The following ZXDC variants were observed in gnomAD, a reference collection of about 807,000 sequenced individuals.
ZXDC encodes zinc finger protein ZXDC.
A neutral mutation model predicts 63.6 loss-of-function variants in ZXDC; 58 were observed. That is an observed-to-expected ratio of 0.91 (90% CI 0.74 to 1.13). The LOEUF is 1.13. Among genes scored for constraint, ZXDC ranks in the 50% most tolerant of loss-of-function variants. The probability of loss-of-function intolerance (pLI) is 0.00; values close to 1 mark genes in which losing one functional copy is unlikely to be tolerated. For synonymous variants in ZXDC, 561 were observed against 496.1 expected (o/e 1.13, Z -1.74); for missense variants, 1,133 against 1,148.9 (o/e 0.99, Z 0.20).
intron 7 of ZXDC, among the ~76,000 whole-genome samples, chr3:126,456,902 G>A (rs998044257): frequency 4.6e-5 from 7 of 152,216 alleles, no homozygotes; most frequent in East Asian, 1.9e-4. Context: ...CACATCTGCC[G>A]TGTGGACAGC....
intron 6 of ZXDC, 191 bp downstream of exon 6, chr3:126,461,344 T>C: frequency 7.3e-7 from 1 of 1,373,852 alleles, no homozygotes; most frequent in Non-Finnish European, 9.4e-7. Flanking sequence ...TAAATGAGAA[T>C]TTAAGGCTCA....
At position 126,475,771 on chromosome 3, in the gene ZXDC, C is replaced by T; in HGVS notation, c.95G>A (p.Gly32Asp). The change falls in exon 1 of 10, where the codon GGC becomes GAC. Residue 32 changes from glycine (G) to aspartate (D), a missense_variant. Coordinates refer to ENST00000389709, the MANE Select transcript of ZXDC (RefSeq NM_025112.5). ...GPLRRAPAPL[G>D]ASPARRRLLL... Reference sequence around the variant, plus strand: ...CAGGCGGCGGCGCGCGGGGCTCGCGCCGAGCGGCGCTGGGGCTCGGCGGAG... The same window carrying T: ...CAGGCGGCGGCGCGCGGGGCTCGCGTCGAGCGGCGCTGGGGCTCGGCGGAG... The T allele has an allele frequency of 8.8e-7, 1 of 1,137,948 alleles. No individual in the cohort carries two copies. Among genetic ancestry groups the T allele is most frequent in the Non-Finnish European group, 1.1e-6 (1 of 930,152 alleles). The allele number at this position is 1,137,948 out of a possible 1,614,324, so 70.5% of individuals were successfully genotyped here. A position where few individuals can be genotyped will look rare whatever the true frequency, so the allele number is the denominator to read the frequency against.
chr3:126,444,515 G>C (rs1386239256), intron 7 of ZXDC, among the ~76,000 whole-genome samples: 1 of 151,260 alleles, frequency 6.6e-6, no homozygotes, highest in African/African-American at 2.4e-5. Flanking sequence ...CTGGGTGACA[G>C]AGCGAGACTC....
chr3:126,450,568 G>GAATA (rs1187778011), intron 7 of ZXDC: 1 of 456,528 alleles, frequency 2.2e-6, no homozygotes, highest in Admixed American at 2.3e-5. Flanking sequence ...CCAGAACGAG[G>GAATA]AATAAATGGG....
At chr3:126,450,625 C>T (rs373230642) in intron 7 of ZXDC, 8 of 438,060 alleles carry the variant, frequency 1.8e-5, no homozygotes, top group Non-Finnish European at 3.2e-5. Context: ...GGCCCCTACC[C>T]GCATCTCCCT....
At position 126,441,885 on chromosome 3, in the gene ZXDC, A is replaced by G. The variant is rs1357683938; in HGVS notation, c.2274T>C (p.His758=). ...CACACAACCAACTGTTCTGGCTTGC[A>G]TGGAAATGGGGAGGACTCATTTTGC... The part of the protein sequence containing the change: ...KEGKMSPPHF[H]ASQNSWLCGS... The change falls in exon 8 of 10, where the codon CAT becomes CAC. Residue 758 remains histidine (H), a synonymous_variant. Transcript: ENST00000389709. The G allele has an allele frequency of 1.9e-6, 3 of 1,613,640 alleles. No individual in the cohort carries two copies. Among genetic ancestry groups the G allele is most frequent in the Non-Finnish European group, 2.5e-6 (3 of 1,179,854 alleles).
intron 7 of ZXDC, chr3:126,453,229 C>G (rs1170260496): frequency 1.0e-6 from 1 of 985,060 alleles, no homozygotes; most frequent in Non-Finnish European, 1.2e-6. Context: ...AACATGATAT[C>G]TGTTTATCTC....
intron 4 of ZXDC, among the ~76,000 whole-genome samples, 198 bp from the exon 5 acceptor site, chr3:126,466,523 G>A (rs1934773706): frequency 6.6e-6 from 1 of 152,192 alleles, no homozygotes; most frequent in African/African-American, 2.4e-5. Context: ...AAAAGCAAGA[G>A]ATACAGTGAA....
intron 6 of ZXDC, chr3:126,460,214 AAAT>A: frequency 2.2e-6 from 2 of 893,748 alleles, no homozygotes; most frequent in Non-Finnish European, 2.7e-6. Context: ...TCTTACACAA[AAAT>A]AATAATGATG....
At chr3:126,459,043 A>T (rs1576677225) in intron 7 of ZXDC, 2 of 984,824 alleles carry the variant, frequency 2.0e-6, no homozygotes, top group Non-Finnish European at 2.4e-6. Flanking sequence ...AATATATTTT[A>T]AAAATCCACT....
At chr3:126,441,294 C>G (rs554773720) in intron 8 of ZXDC, 1 of 991,378 alleles carries the variant, frequency 1.0e-6, no homozygotes, top group East Asian at 1.1e-4. Context: ...ACTGAAAAGA[C>G]CCCCACCACC....
At chr3:126,462,557 G>T (rs1176649073) in intron 5 of ZXDC, among the ~76,000 whole-genome samples, 1 of 152,216 alleles carries the variant, frequency 6.6e-6, no homozygotes, top group African/African-American at 2.4e-5. Context: ...ACAGCAAGAA[G>T]CAAAGTAAGA....
chr3:126,447,467 GTTTTC>G (rs1933924470), intron 7 of ZXDC, among the ~76,000 whole-genome samples: 2 of 152,120 alleles, frequency 1.3e-5, no homozygotes, highest in Non-Finnish European at 2.9e-5. Flanking sequence ...ATTCCCCTGG[GTTTTC>G]TAAGCCTGAC....
At position 126,453,225 on chromosome 3, in the gene ZXDC, A is replaced by G. The variant is rs552652394; in HGVS notation, c.2212+6428T>C. 307 of 985,102 alleles carry G rather than the reference A, an allele frequency of 3.1e-4. No homozygotes were observed. The African/African-American group carries it at 4.2e-3, about 13-fold the overall frequency. The allele number at this position is 985,102 out of a possible 1,614,324, so 61.0% of individuals were successfully genotyped here. On this transcript the variant is annotated intron_variant, in intron 7 of 9. Transcript: ENST00000389709. ...AACTTATTATCATACAGTTAACATG[A>G]TATCTGTTTATCTCTAGGTATTCCA...
At chr3:126,454,129 C>A in intron 7 of ZXDC, 2 of 960,918 alleles carry the variant, frequency 2.1e-6, no homozygotes, top group Non-Finnish European at 2.5e-6. Context: ...CATTTAATTT[C>A]TATAAATATT....
Position 126,459,407 on chromosome 3 carries a change from T to C in ZXDC, c.2212+246A>G, listed in dbSNP as rs1934433280. 7 of 985,340 alleles carry C rather than the reference T, an allele frequency of 7.1e-6. No homozygotes were observed. In the South Asian group the frequency reaches 2.8e-4, roughly 40 times the overall value. The allele number at this position is 985,340 out of a possible 1,614,324, so 61.0% of individuals were successfully genotyped here. ...TAGCCTTCCAGGTAACTGACACTGGTGTTTGAACGCTTAACTTTCACAAAG... is the reference window on the plus strand; with the variant it reads ...TAGCCTTCCAGGTAACTGACACTGGCGTTTGAACGCTTAACTTTCACAAAG... On this transcript the variant is annotated intron_variant, in intron 7 of 9. Transcript: ENST00000389709.
chr3:126,469,035 C>A (rs1490004418), intron 4 of ZXDC, among the ~76,000 whole-genome samples: 6 of 152,192 alleles, frequency 3.9e-5, no homozygotes, highest in Non-Finnish European at 8.8e-5. Context: ...AACTTAGTAA[C>A]CAATCCAGCC....
intron 7 of ZXDC, chr3:126,450,554 T>C (rs779196205): frequency 3.1e-5 from 14 of 456,458 alleles, no homozygotes; most frequent in Non-Finnish European, 4.8e-5. Context: ...ACTAGAAATC[T>C]CTTCCAGAAC....
chr3:126,471,823 TAC>T (rs1934991407), intron 3 of ZXDC, 148 bp downstream of exon 3: 2 of 615,782 alleles, frequency 3.2e-6, no homozygotes, highest in African/African-American at 1.9e-5. Flanking sequence ...ATTTTCTTTT[TAC>T]AGTTTTCTGA....
Sources: allele counts gnomAD v4.1 joint callset (sites outside exome capture counted in the v4.1 genomes callset), GRCh38; gene constraint gnomAD v4.1.1; transcripts MANE v1.5; gene names NCBI Gene and HGNC (gene_info 2026-07-23, HGNC 2026-07-21).